Variants in CADPS observed in about 807,000 individuals in gnomAD.
CADPS encodes the protein calcium-dependent secretion activator 1.
A neutral mutation model predicts 167.3 loss-of-function variants in CADPS; 57 were observed. The observed-to-expected ratio is 0.34, with a 90% CI of 0.28 to 0.42. The LOEUF is 0.42. Among genes scored for constraint, CADPS ranks in the 20% least tolerant of loss-of-function variants. The pLI is 1.00. For synonymous variants in CADPS, 676 were observed against 635.3 expected (o/e 1.06, Z -0.96); for missense variants, 1,414 against 1,738.1 (o/e 0.81, Z 3.32).
intron 2 of CADPS, among the ~76,000 whole-genome samples, chr3:62,754,372 C>T (rs1276879053): frequency 2.0e-5 from 3 of 151,926 alleles, no homozygotes; most frequent in Non-Finnish European, 4.4e-5. Flanking sequence ...ATTTTTGGTA[C>T]ATACAGGGTT....
chr3:62,457,977 T>A (rs1191501565), intron 26 of CADPS, among the ~76,000 whole-genome samples: 11 of 152,120 alleles, frequency 7.2e-5, no homozygotes, highest in Non-Finnish European at 2.9e-5. Context: ...AAATACCTAA[T>A]GTAGATGACG....
rs1386446408 is a variant in CADPS, at chr3:62,446,994, G to A, written c.3637-1197C>T. Among the ~76,000 whole-genome samples the A allele has an allele frequency of 1.3e-5, 2 of 152,166 alleles. No individual in the cohort carries two copies. Among genetic ancestry groups the A allele is most frequent in the Non-Finnish European group, 2.9e-5 (2 of 68,034 alleles). ...CTTCACCCAAATGTCTCCCAGAAAA[G>A]TACCCAGGGGAGTGATTTCCTCTGT... On this transcript the variant is annotated intron_variant, in intron 26 of 29. Transcript: ENST00000383710. This position sits in a 1 kb window ranked among gnomAD's most constrained non-coding sequence, Gnocchi z 4.9.
Position 62,421,692 on chromosome 3 carries a change from A to G in CADPS, c.3777+16412T>C, listed in dbSNP as rs1464581536. Among the ~76,000 whole-genome samples the G allele has an allele frequency of 1.2e-4, 19 of 152,322 alleles. No individual in the cohort carries two copies. The East Asian group carries it at 3.5e-3, about 28-fold the overall frequency. Reference sequence around the variant, plus strand: ...GAGGGGGAAGGGGGGACTTTGCCCAAGCCAAGGATTTGGCTATGACAATGT... The same window carrying G: ...GAGGGGGAAGGGGGGACTTTGCCCAGGCCAAGGATTTGGCTATGACAATGT... On this transcript the variant is annotated intron_variant, in intron 28 of 29. Coordinates refer to ENST00000383710, the MANE Select transcript of CADPS (RefSeq NM_003716.4). This position sits in a 1 kb window ranked among gnomAD's most constrained non-coding sequence, Gnocchi z 4.7.
intron 6 of CADPS, among the ~76,000 whole-genome samples, chr3:62,621,373 T>C (rs895619964): frequency 2.0e-5 from 3 of 152,054 alleles, no homozygotes; most frequent in African/African-American, 4.8e-5. Flanking sequence ...TGGGAATGTT[T>C]AGTGGGTTGG....
At chr3:62,839,466 GA>G (rs1280894007) in intron 1 of CADPS, among the ~76,000 whole-genome samples, 1 of 152,108 alleles carries the variant, frequency 6.6e-6, no homozygotes, top group Non-Finnish European at 1.5e-5. Flanking sequence ...CAAGAGACGT[GA>G]AACACCCCTG....
At chr3:62,805,312 C>T (rs916552118) in intron 1 of CADPS, among the ~76,000 whole-genome samples, 3 of 152,148 alleles carry the variant, frequency 2.0e-5, no homozygotes, top group Non-Finnish European at 4.4e-5. Context: ...CTCAGTTACG[C>T]CTCAAAGGCA....
At chr3:62,704,196 G>A (rs1370709127) in intron 3 of CADPS, among the ~76,000 whole-genome samples, 2 of 152,152 alleles carry the variant, frequency 1.3e-5, no homozygotes, top group Admixed American at 6.5e-5. Context: ...TTACACTTGT[G>A]TTGCAGAAAA....
intron 3 of CADPS, among the ~76,000 whole-genome samples, chr3:62,664,724 G>A (rs1014688538): frequency 6.6e-6 from 1 of 152,204 alleles, no homozygotes; most frequent in Non-Finnish European, 1.5e-5. Context: ...AATTTCGTCG[G>A]AAGATATGGT....
intron 26 of CADPS, among the ~76,000 whole-genome samples, chr3:62,447,998 A>T (rs1475980940): frequency 6.6e-6 from 1 of 152,158 alleles, no homozygotes; most frequent in African/African-American, 2.4e-5. Flanking sequence ...AAAGGGGGTG[A>T]TTCAATCAGA....
chr3:62,481,940 C>A, intron 21 of CADPS, 71 bp from the exon 22 acceptor site: 2 of 1,431,932 alleles, frequency 1.4e-6, no homozygotes, highest in Non-Finnish European at 1.9e-6. Flanking sequence ...AAGCACACGA[C>A]AATTGTAAAT....
chr3:62,874,201 C>G lies in CADPS; in HGVS notation c.441+388G>C, dbSNP rs191208683. 6.6e-6 allele frequency among the ~76,000 whole-genome samples: 1 copy of G among 152,158 alleles called. No homozygotes were observed. On this transcript the variant is annotated intron_variant, in intron 1 of 29. Transcript: ENST00000383710. This position sits in a 1 kb window ranked among gnomAD's most constrained non-coding sequence, Gnocchi z 7.1. Reference sequence around the variant, plus strand: ...GGGCCCGGAGTTGAGCGCAGCCGCCCGCCGCTGGAGAGCGCTGGGAGCCCT... The same window carrying G: ...GGGCCCGGAGTTGAGCGCAGCCGCCGGCCGCTGGAGAGCGCTGGGAGCCCT...
chr3:62,678,400 T>TC (rs1273015320), intron 3 of CADPS, among the ~76,000 whole-genome samples: 3 of 152,106 alleles, frequency 2.0e-5, no homozygotes, highest in Middle Eastern at 6.3e-3. Context: ...CTCACTAAAT[T>TC]CCATTTTTAG....
chr3:62,597,497 G>C (rs961673775), intron 6 of CADPS, among the ~76,000 whole-genome samples: 1 of 152,200 alleles, frequency 6.6e-6, no homozygotes, highest in Non-Finnish European at 1.5e-5. Flanking sequence ...CTTGAGCCCA[G>C]TGTCCTGGAG....
chr3:62,470,420 A>G (rs567218353), intron 24 of CADPS, among the ~76,000 whole-genome samples: 3 of 152,364 alleles, frequency 2.0e-5, no homozygotes, highest in African/African-American at 7.2e-5. Context: ...GGATGTTTCC[A>G]GATATTCTTG....
At chr3:62,647,688 A>G (rs756999667) in intron 5 of CADPS, among the ~76,000 whole-genome samples, 2 of 152,198 alleles carry the variant, frequency 1.3e-5, no homozygotes, top group Admixed American at 6.5e-5. Flanking sequence ...AGAACCATAT[A>G]AATAGAAAGA....
At chr3:62,825,014 T>G (rs2152954858) in intron 1 of CADPS, among the ~76,000 whole-genome samples, 1 of 152,270 alleles carries the variant, frequency 6.6e-6, no homozygotes, top group South Asian at 2.1e-4. Flanking sequence ...ACCCTAAATT[T>G]GCTTTATTTT....
chr3:62,468,900 T>C (rs2060249244), intron 24 of CADPS, among the ~76,000 whole-genome samples: 1 of 152,248 alleles, frequency 6.6e-6, no homozygotes, highest in African/African-American at 2.4e-5. Flanking sequence ...GAATTATAAC[T>C]TGTGAATATA....
At chr3:62,657,299 G>C (rs1019565944) in intron 4 of CADPS, among the ~76,000 whole-genome samples, 1 of 152,064 alleles carries the variant, frequency 6.6e-6, no homozygotes, top group African/African-American at 2.4e-5. Context: ...TTAAAACGAC[G>C]GCTTGAAGAA....
chr3:62,668,369 T>C (rs2074873085), intron 3 of CADPS, among the ~76,000 whole-genome samples: 1 of 152,094 alleles, frequency 6.6e-6, no homozygotes, highest in African/African-American at 2.4e-5. Context: ...TCTGCAGCCT[T>C]GTCGGGCACC....
Sources: gnomAD v4.1 joint callset for allele counts (sites outside exome capture counted in the v4.1 genomes callset) on GRCh38, gnomAD v4.1.1 for gene constraint, Gnocchi (gnomAD v3.1) non-coding constraint, MANE v1.5 for transcripts, NCBI Gene and HGNC (gene_info 2026-07-23, HGNC 2026-07-21) for gene names.